KCNIP4: variants seen among roughly 807,000 people sequenced by gnomAD.
The protein encoded by KCNIP4 is potassium voltage-gated channel interacting protein 4, also known as Kv channel-interacting protein 4.
In KCNIP4, 12 loss-of-function variants were observed where a neutral mutation model predicts 34.0. That is an observed-to-expected ratio of 0.35 (90% CI 0.23 to 0.57). The LOEUF (loss-of-function observed/expected upper bound fraction) is 0.57. Ranked by LOEUF, KCNIP4 falls within the 20% of genes least tolerant of loss-of-function variation. The probability of loss-of-function intolerance (pLI) is 0.83; values close to 1 mark genes in which losing one functional copy is unlikely to be tolerated. For synonymous variants in KCNIP4, 124 were observed against 102.2 expected (o/e 1.21, Z -1.29); for missense variants, 238 against 311.7 (o/e 0.76, Z 1.78).
chr4:21,866,042 G>C (rs909352008), intron 1 of KCNIP4, among the ~76,000 whole-genome samples: 8 of 151,834 alleles, frequency 5.3e-5, no homozygotes, highest in Admixed American at 4.6e-4. Flanking sequence ...AAAAATAAAT[G>C]CAACAAGACT....
At chr4:21,567,834 G>A (rs968254092) in intron 1 of KCNIP4, among the ~76,000 whole-genome samples, 3 of 152,100 alleles carry the variant, frequency 2.0e-5, no homozygotes, top group Non-Finnish European at 2.9e-5. Flanking sequence ...CAAGTAGCGT[G>A]AGTGATAACT....
intron 1 of KCNIP4, among the ~76,000 whole-genome samples, chr4:21,884,149 A>T (rs901709961): frequency 1.3e-5 from 2 of 152,172 alleles, no homozygotes; most frequent in Admixed American, 6.6e-5. Context: ...TTAGGATGAT[A>T]ATAAGCCCAA....
chr4:21,221,212 G>T (rs1213975423), intron 1 of KCNIP4, among the ~76,000 whole-genome samples: 1 of 151,996 alleles, frequency 6.6e-6, no homozygotes, highest in East Asian at 1.9e-4. Context: ...TGAGGGCAGG[G>T]GTTATTTTTT....
At chr4:21,121,153 A>G (rs1356401962) in intron 1 of KCNIP4, among the ~76,000 whole-genome samples, 1 of 152,224 alleles carries the variant, frequency 6.6e-6, no homozygotes, top group Non-Finnish European at 1.5e-5. Context: ...AGACATTACA[A>G]CTACCAAAGC....
intron 2 of KCNIP4, among the ~76,000 whole-genome samples, chr4:20,862,415 A>G (rs995806213): frequency 6.6e-6 from 1 of 152,170 alleles, no homozygotes; most frequent in Non-Finnish European, 1.5e-5. Context: ...GGGCAGAGGA[A>G]GGAAACAAGA....
chr4:21,304,077 G>C (rs141203347), intron 1 of KCNIP4: 421 of 306,648 alleles, frequency 1.4e-3, no homozygotes, highest in African/African-American at 0.011. Context: ...GACAGAGAGA[G>C]AGAGAGAGAC....
At chr4:21,553,432 C>G (rs1030350943) in intron 1 of KCNIP4, among the ~76,000 whole-genome samples, 2 of 152,094 alleles carry the variant, frequency 1.3e-5, no homozygotes, top group African/African-American at 4.8e-5. Flanking sequence ...CTTTTTTCTA[C>G]TACTAATGCC....
intron 1 of KCNIP4, among the ~76,000 whole-genome samples, chr4:21,869,924 C>T (rs561971354): frequency 3.3e-5 from 5 of 152,226 alleles, no homozygotes; most frequent in Admixed American, 1.3e-4. Flanking sequence ...CCAGTCTAAA[C>T]GCATTTAAAT....
chr4:21,807,996 TTAAA>T (rs1351922107), intron 1 of KCNIP4, among the ~76,000 whole-genome samples: 1 of 152,146 alleles, frequency 6.6e-6, no homozygotes, highest in African/African-American at 2.4e-5. Flanking sequence ...GTTTGGTAAG[TTAAA>T]TAAATAAATA....
chr4:20,755,690 C>T (rs1238967271), intron 4 of KCNIP4, among the ~76,000 whole-genome samples: 1 of 151,996 alleles, frequency 6.6e-6, no homozygotes, highest in East Asian at 1.9e-4. Flanking sequence ...TAAGGTGTTG[C>T]AATTTAAGAT....
chr4:21,207,335 A>G (rs73247397), intron 1 of KCNIP4, among the ~76,000 whole-genome samples: 5,132 of 152,308 alleles, frequency 0.034, 123 homozygotes, highest in Non-Finnish European at 0.052. Context: ...TACACAGAGT[A>G]TCTATGACAA....
intron 1 of KCNIP4, among the ~76,000 whole-genome samples, chr4:21,132,200 A>T (rs1751120444): frequency 6.6e-6 from 1 of 152,234 alleles, no homozygotes; most frequent in South Asian, 2.1e-4. Context: ...CAACAACAGG[A>T]ATTTCACCAG....
chr4:21,514,131 A>G (rs987696436), intron 1 of KCNIP4, among the ~76,000 whole-genome samples: 4 of 152,182 alleles, frequency 2.6e-5, no homozygotes, highest in African/African-American at 9.7e-5. Context: ...CTTCTAAAAA[A>G]CCAGAAAAAT....
At chr4:21,128,236 A>G (rs1750777968) in intron 1 of KCNIP4, among the ~76,000 whole-genome samples, 1 of 152,364 alleles carries the variant, frequency 6.6e-6, no homozygotes, top group South Asian at 2.1e-4. Flanking sequence ...AAGGGAAGAA[A>G]GTCTGTTCTC....
At chr4:21,400,183 G>A (rs556263401) in intron 1 of KCNIP4, among the ~76,000 whole-genome samples, 1 of 152,212 alleles carries the variant, frequency 6.6e-6, no homozygotes, top group South Asian at 2.1e-4. Flanking sequence ...TATTCCATTA[G>A]GCATTTGCAG....
chr4:21,823,508 T>TAAA (rs370952134), intron 1 of KCNIP4, among the ~76,000 whole-genome samples: 6 of 123,412 alleles, frequency 4.9e-5, no homozygotes, highest in African/African-American at 1.5e-4. Flanking sequence ...TGTTCTGTCT[T>TAAA]AAAAAAAAAA....
chr4:20,787,215 T>C (rs577869335), intron 3 of KCNIP4, among the ~76,000 whole-genome samples: 57 of 152,122 alleles, frequency 3.7e-4, no homozygotes, highest in Non-Finnish European at 6.9e-4. Context: ...CAAAAAGCAG[T>C]TTTCATGTTT....
intron 1 of KCNIP4, among the ~76,000 whole-genome samples, chr4:21,672,872 G>A (rs1016303780): frequency 5.3e-5 from 8 of 152,232 alleles, no homozygotes. Context: ...TGTCAGGCCT[G>A]GGAGATCTGC....
chr4:21,115,497 A>G (rs2109116857), intron 1 of KCNIP4, among the ~76,000 whole-genome samples: 1 of 152,338 alleles, frequency 6.6e-6, no homozygotes, highest in Non-Finnish European at 1.5e-5. Flanking sequence ...GACACTTCAT[A>G]TTGGTGTGAG....
Sources: allele counts gnomAD v4.1 joint callset (sites outside exome capture counted in the v4.1 genomes callset), GRCh38; gene constraint gnomAD v4.1.1; transcripts MANE v1.5; gene names NCBI Gene and HGNC (gene_info 2026-07-23, HGNC 2026-07-21).